NME7: variants seen among roughly 807,000 people sequenced by gnomAD.
NME7 encodes the protein NME/NM23 family member 7, also known as nucleoside diphosphate kinase 7.
A neutral mutation model predicts 49.1 loss-of-function variants in NME7; 41 were observed. The ratio of observed to expected loss-of-function variants is 0.83; its 90% CI spans 0.65 to 1.08. The LOEUF (loss-of-function observed/expected upper bound fraction) is 1.08. NME7 is among the 50% of genes least tolerant of loss of function. The pLI is 0.00. For missense variants in NME7, 423 were observed against 463.4 expected (o/e 0.91, Z 0.80); for synonymous variants, 139 against 150.6 (o/e 0.92, Z 0.56).
intron 7 of NME7, among the ~76,000 whole-genome samples, chr1:169,240,531 A>G (rs973862176): frequency 6.6e-6 from 1 of 152,028 alleles, no homozygotes; most frequent in Non-Finnish European, 1.5e-5. Flanking sequence ...GTTGCAATGT[A>G]TAATCTAAAA....
At chr1:169,212,604 T>TA (rs1660858853) in intron 10 of NME7, among the ~76,000 whole-genome samples, 1 of 149,962 alleles carries the variant, frequency 6.7e-6, no homozygotes, top group Non-Finnish European at 1.5e-5. Flanking sequence ...ATGTCCTTTT[T>TA]TTTTTTTTTT....
chr1:169,310,312 A>T (rs753451281), intron 3 of NME7, among the ~76,000 whole-genome samples: 2 of 152,126 alleles, frequency 1.3e-5, no homozygotes, highest in Non-Finnish European at 2.9e-5. Flanking sequence ...GAAGCTTAGG[A>T]AAAAAAGCAC....
intron 3 of NME7, 102 bp downstream of exon 3, chr1:169,323,015 T>A (rs1192119749): frequency 1.1e-6 from 1 of 875,898 alleles, no homozygotes; most frequent in Admixed American, 3.7e-5. Context: ...ATTTTCCAGG[T>A]CCTATCCATC....
intron 8 of NME7, among the ~76,000 whole-genome samples, chr1:169,236,946 T>C (rs1169740127): frequency 6.6e-6 from 1 of 152,040 alleles, no homozygotes; most frequent in East Asian, 1.9e-4. Context: ...AAAAACCAAA[T>C]TGTTTATCTG....
chr1:169,363,305 C>G (rs1653726685), intron 1 of NME7, among the ~76,000 whole-genome samples: 1 of 151,914 alleles, frequency 6.6e-6, no homozygotes, highest in Non-Finnish European at 1.5e-5. Context: ...ATTCAAAGTA[C>G]CCTGTGTCTT....
At chr1:169,208,829 C>T (rs1660742283) in intron 10 of NME7, among the ~76,000 whole-genome samples, 1 of 151,930 alleles carries the variant, frequency 6.6e-6, no homozygotes, top group Non-Finnish European at 1.5e-5. Flanking sequence ...TTACTTAGAT[C>T]AAGTTTATGG....
Position 169,275,478 on chromosome 1 carries a change from CAAAAAAAAAA to C in NME7, c.754+11815_754+11824del, listed in dbSNP as rs57449323. Among the ~76,000 whole-genome samples, 8 of 29,876 alleles carry C rather than the reference CAAAAAAAAAA, an allele frequency of 2.7e-4. 1 individual carries two copies. Among genetic ancestry groups the C allele is most frequent in the African/African-American group, 7.7e-4 (8 of 10,334 alleles). The allele number at this position is 29,876 out of a possible 152,430, so 19.6% of individuals were successfully genotyped here. On this transcript the variant is annotated intron_variant, in intron 7 of 11. Transcript: ENST00000367811. The stretch of plus-strand genomic sequence containing the variant: ...TGGGCGACAGAGCGAAACTCCGTCT[CAAAAAAAAAA>C]AAAAAAAAAAAAAAAAAGAATGCTT...
intron 5 of NME7, among the ~76,000 whole-genome samples, chr1:169,300,482 C>T (rs1449949092): frequency 6.6e-6 from 1 of 152,058 alleles, no homozygotes; most frequent in African/African-American, 2.4e-5. Context: ...GAAGTGTAAA[C>T]AGTCTTTGGC....
chr1:169,285,039 G>A (rs1650217200), intron 7 of NME7: 2 of 152,110 alleles, frequency 1.3e-5, no homozygotes, highest in Admixed American at 6.5e-5. Context: ...ATGTATATAT[G>A]TATATGTACA....
At chr1:169,354,931 C>T (rs1228624140) in intron 1 of NME7, among the ~76,000 whole-genome samples, 1 of 79,914 alleles carries the variant, frequency 1.3e-5, no homozygotes, top group African/African-American at 4.3e-5. Flanking sequence ...TATAATATAT[C>T]TATTATGTAT....
chr1:169,235,268 T>C, intron 8 of NME7, 69 bp from the exon 9 acceptor site: 1 of 736,084 alleles, frequency 1.4e-6, no homozygotes. Context: ...TAAGCCACAC[T>C]TAGCACTTAA....
chr1:169,336,079 C>A (rs970353050), intron 1 of NME7, among the ~76,000 whole-genome samples: 1 of 151,896 alleles, frequency 6.6e-6, no homozygotes, highest in South Asian at 2.1e-4. Context: ...TTTCTTCCTT[C>A]TGGTGGGTTC....
At chr1:169,204,966 A>C (rs889993320) in intron 10 of NME7, among the ~76,000 whole-genome samples, 3 of 152,094 alleles carry the variant, frequency 2.0e-5, no homozygotes, top group African/African-American at 7.2e-5. Flanking sequence ...CCAACATCTC[A>C]TACTGAAAAC....
At chr1:169,170,190 G>T (rs1659541065) in intron 10 of NME7, among the ~76,000 whole-genome samples, 1 of 152,298 alleles carries the variant, frequency 6.6e-6, no homozygotes, top group Admixed American at 6.5e-5. Context: ...ATTACTGTGG[G>T]TGGGAGGAGA....
intron 10 of NME7, chr1:169,190,511 T>C (rs902066507): frequency 1.5e-5 from 4 of 271,126 alleles, no homozygotes; most frequent in Non-Finnish European, 2.8e-5. Flanking sequence ...CTCTTTTCCA[T>C]AATTTTTCTT....
chr1:169,251,766 T>C (rs1289086633), intron 7 of NME7, among the ~76,000 whole-genome samples: 1 of 144,068 alleles, frequency 6.9e-6, no homozygotes, highest in African/African-American at 2.6e-5. Flanking sequence ...TGTGTCCATG[T>C]GATCTCATTG....
intron 10 of NME7, among the ~76,000 whole-genome samples, chr1:169,210,944 C>T (rs1028712085): frequency 6.6e-6 from 1 of 152,028 alleles, no homozygotes; most frequent in Non-Finnish European, 1.5e-5. Context: ...ACGGGACTAT[C>T]ATATTCCTAC....
At chr1:169,172,463 T>C (rs1360192323) in intron 10 of NME7, among the ~76,000 whole-genome samples, 3 of 152,118 alleles carry the variant, frequency 2.0e-5, no homozygotes, top group Non-Finnish European at 4.4e-5. Context: ...AAGGACTTGG[T>C]AAGCAAGGGG....
intron 11 of NME7, chr1:169,168,831 G>C (rs910830284): frequency 6.6e-5 from 30 of 452,058 alleles, no homozygotes; most frequent in Admixed American, 5.8e-4. Flanking sequence ...CTATTTTTTT[G>C]ATATTTCTAG....
Sources: gnomAD v4.1 joint callset for allele counts (sites outside exome capture counted in the v4.1 genomes callset) on GRCh38, gnomAD v4.1.1 for gene constraint, MANE v1.5 for transcripts, NCBI Gene and HGNC (gene_info 2026-07-23, HGNC 2026-07-21) for gene names.